EXPH5: variants seen among roughly 807,000 people sequenced by gnomAD.
EXPH5 encodes the protein exophilin-5.
EXPH5 carries 42 observed loss-of-function variants against 41.1 expected under a neutral mutation model. That is an observed-to-expected ratio of 1.02 (90% CI 0.80 to 1.32). The LOEUF (loss-of-function observed/expected upper bound fraction) is 1.32. EXPH5 is among the 40% of genes most tolerant of loss of function. EXPH5 has a pLI of 0.00. For missense variants in EXPH5, 2,298 were observed against 2,314.5 expected (o/e 0.99, Z 0.15); for synonymous variants, 798 against 833.5 (o/e 0.96, Z 0.73).
At chr11:108,540,836 T>C (rs1211598534) in intron 2 of EXPH5, among the ~76,000 whole-genome samples, 1 of 152,020 alleles carries the variant, frequency 6.6e-6, no homozygotes, top group Non-Finnish European at 1.5e-5. Context: ...CTCCCCTTTT[T>C]CTTCCTCCCC....
chr11:108,526,438 A>G (rs1171301705), intron 4 of EXPH5, among the ~76,000 whole-genome samples: 1 of 152,218 alleles, frequency 6.6e-6, no homozygotes, highest in Non-Finnish European at 1.5e-5. Flanking sequence ...CACTTCTTTC[A>G]GGCATTTGCC....
intron 4 of EXPH5, among the ~76,000 whole-genome samples, chr11:108,520,207 T>C (rs972731438): frequency 7.9e-5 from 12 of 152,192 alleles, no homozygotes; most frequent in Non-Finnish European, 1.6e-4. Flanking sequence ...TATTGTGAAC[T>C]GCACATGCGA....
intron 3 of EXPH5, among the ~76,000 whole-genome samples, 198 bp from the exon 4 acceptor site, chr11:108,528,382 C>G (rs1051219553): frequency 1.3e-5 from 2 of 152,176 alleles, no homozygotes; most frequent in Admixed American, 6.5e-5. Context: ...AGAATCAATA[C>G]TTTACATCTT....
intron 4 of EXPH5, among the ~76,000 whole-genome samples, chr11:108,519,866 G>C (rs2093753456): frequency 6.8e-6 from 1 of 147,846 alleles, no homozygotes; most frequent in Non-Finnish European, 1.5e-5. Context: ...CAGGAGAATC[G>C]CTTGAACCCG....
intron 1 of EXPH5, 91 bp from the exon 2 acceptor site, chr11:108,541,903 G>C: frequency 3.8e-6 from 4 of 1,053,158 alleles, no homozygotes; most frequent in East Asian, 2.5e-5. Context: ...TTTGATATGG[G>C]GGTCTCATTC....
At chr11:108,531,939 GC>G (rs2093840720) in intron 3 of EXPH5, among the ~76,000 whole-genome samples, 1 of 151,982 alleles carries the variant, frequency 6.6e-6, no homozygotes. Flanking sequence ...TCATCTTTTG[GC>G]TTTTTTGCTG....
intron 1 of EXPH5, among the ~76,000 whole-genome samples, chr11:108,579,667 AG>A (rs2094091686): frequency 6.6e-6 from 1 of 152,198 alleles, no homozygotes. Context: ...ATATCTGATA[AG>A]TAAATTGTAG....
At chr11:108,552,410 GA>G (rs2093970611) in intron 1 of EXPH5, among the ~76,000 whole-genome samples, 1 of 152,148 alleles carries the variant, frequency 6.6e-6, no homozygotes, top group South Asian at 2.1e-4. Context: ...AAGTCTGAAG[GA>G]AGGGAAGCTC....
chr11:108,515,811 G>T (rs2093721476), intron 5 of EXPH5, among the ~76,000 whole-genome samples: 1 of 152,182 alleles, frequency 6.6e-6, no homozygotes, highest in South Asian at 2.1e-4. Context: ...GGTGGCTCAT[G>T]CCTGTAATCC....
chr11:108,541,280 A>G (rs2093911384), intron 2 of EXPH5, among the ~76,000 whole-genome samples: 3 of 152,168 alleles, frequency 2.0e-5, no homozygotes, highest in Admixed American at 6.6e-5. Flanking sequence ...GTATCATTGC[A>G]TTCATTTAAA....
At chr11:108,555,529 G>C (rs1373921422) in intron 1 of EXPH5, among the ~76,000 whole-genome samples, 1 of 152,142 alleles carries the variant, frequency 6.6e-6, no homozygotes, top group Non-Finnish European at 1.5e-5. Flanking sequence ...CCTGGCCCAA[G>C]TCACCACCAT....
chr11:108,550,147 A>G (rs910586069), intron 1 of EXPH5, among the ~76,000 whole-genome samples: 3 of 152,188 alleles, frequency 2.0e-5, no homozygotes, highest in African/African-American at 7.2e-5. Flanking sequence ...GCTAAGACCA[A>G]TAGAATATGG....
At chr11:108,599,540 A>T in the EXPH5 span, among the ~76,000 whole-genome samples, 1 of 152,248 alleles carries the variant, frequency 6.6e-6, no homozygotes, top group Non-Finnish European at 1.5e-5. Flanking sequence ...AAGAAACTTC[A>T]GTTCTGAAAG....
chr11:108,548,691 C>T (rs999552878), intron 1 of EXPH5, among the ~76,000 whole-genome samples: 4 of 152,142 alleles, frequency 2.6e-5, no homozygotes, highest in African/African-American at 9.7e-5. Flanking sequence ...TCTCTGGGTA[C>T]GTGTAATTCA....
At chr11:108,583,698 C>T (rs191445296) in intron 1 of EXPH5, among the ~76,000 whole-genome samples, 1 of 151,664 alleles carries the variant, frequency 6.6e-6, no homozygotes, top group East Asian at 1.9e-4. Flanking sequence ...AAAAAGTCAT[C>T]TACAAAAAAA....
At chr11:108,552,736 C>T (rs999059760) in intron 1 of EXPH5, among the ~76,000 whole-genome samples, 17 of 152,134 alleles carry the variant, frequency 1.1e-4, no homozygotes, top group African/African-American at 3.9e-4. Context: ...CGTACTGAGA[C>T]TCCGTCTCTA....
intron 1 of EXPH5, among the ~76,000 whole-genome samples, chr11:108,582,171 A>G (rs1345857383): frequency 3.9e-5 from 6 of 152,170 alleles, no homozygotes; most frequent in Non-Finnish European, 8.8e-5. Context: ...ACCACACAAA[A>G]ATAGTATACA....
chr11:108,539,221 T>A (rs2093898822), intron 2 of EXPH5, 35 bp from the exon 3 acceptor site: 1 of 1,409,016 alleles, frequency 7.1e-7, no homozygotes, highest in Non-Finnish European at 9.8e-7. Flanking sequence ...TTGCATCAAT[T>A]ACTTCCAAGT....
At chr11:108,606,363 C>A in the EXPH5 span, among the ~76,000 whole-genome samples, 3 of 152,180 alleles carry the variant, frequency 2.0e-5, no homozygotes, top group Admixed American at 1.3e-4. Context: ...ACCTTCTGCT[C>A]CCCAATCTCC....
Sources: allele counts gnomAD v4.1 joint callset (sites outside exome capture counted in the v4.1 genomes callset), GRCh38; gene constraint gnomAD v4.1.1; transcripts MANE v1.5; gene names NCBI Gene and HGNC (gene_info 2026-07-23, HGNC 2026-07-21).